The following PDGFRA variants were observed in gnomAD, a reference collection of about 807,000 sequenced individuals.
The protein encoded by PDGFRA is platelet derived growth factor receptor alpha, also known as platelet-derived growth factor receptor alpha.
Under a neutral mutation model 121.5 loss-of-function variants are expected in PDGFRA, and 25 were observed. That is an observed-to-expected ratio of 0.21 (90% CI 0.15 to 0.29). PDGFRA has a LOEUF of 0.29. PDGFRA is among the 10% of genes least tolerant of loss of function. PDGFRA has a pLI of 1.00. For synonymous variants in PDGFRA, 463 were observed against 494.8 expected (o/e 0.94, Z 0.85); for missense variants, 1,008 against 1,345.1 (o/e 0.75, Z 3.92).
At chr4:54,270,787 G>A (rs2110280632) in intron 8 of PDGFRA, 39 bp downstream of exon 8, 1 of 1,128,000 alleles carries the variant, frequency 8.9e-7, no homozygotes, top group East Asian at 2.3e-5. Flanking sequence ...TAGCTCTGTA[G>A]ATGAGTGTCT....
chr4:54,289,191 C>A, intron 21 of PDGFRA, 77 bp downstream of exon 21: 1 of 863,878 alleles, frequency 1.2e-6, no homozygotes, highest in Non-Finnish European at 2.0e-6. Flanking sequence ...TTCCGCAGTT[C>A]TAGAGGAGCA....
At chr4:54,237,649 C>G (rs1320327227) in intron 1 of PDGFRA, among the ~76,000 whole-genome samples, 1 of 152,190 alleles carries the variant, frequency 6.6e-6, no homozygotes. Flanking sequence ...TGCCTGCCAC[C>G]GCAGCAGTGT....
chr4:54,263,672 G>C lies in PDGFRA; in HGVS notation c.373G>C (p.Asp125His), dbSNP rs762935664. Residue 125 changes from aspartate (D) to histidine (H), a missense_variant, in exon 4 of 23, where the codon GAT (aspartate) becomes CAT (histidine). Transcript: ENST00000257290. ...CATTCTTTTTTAAACCACAGACCCAGATGTAGCCTTTGTACCTCTAGGAAT... is the reference window on the plus strand; with the variant it reads ...CATTCTTTTTTAAACCACAGACCCACATGTAGCCTTTGTACCTCTAGGAAT... ...RHIYIYVPDP[D>H]VAFVPLGMTD... 1 of 1,613,838 alleles carries C rather than the reference G, an allele frequency of 6.2e-7. No homozygotes were observed. Among genetic ancestry groups the C allele is most frequent in the Non-Finnish European group, 8.5e-7 (1 of 1,179,772 alleles).
intron 1 of PDGFRA, among the ~76,000 whole-genome samples, chr4:54,241,766 C>A (rs952732619): frequency 1.3e-5 from 2 of 152,038 alleles, no homozygotes; most frequent in Non-Finnish European, 2.9e-5. Flanking sequence ...TCAGGCTGGT[C>A]TCAAACTCCT....
intron 5 of PDGFRA, among the ~76,000 whole-genome samples, chr4:54,266,397 TTTTTTTC>T (rs1255227447): frequency 1.3e-4 from 20 of 148,914 alleles, no homozygotes; most frequent in African/African-American, 4.4e-4. Context: ...TTCTTTCTTT[TTTTTTTC>T]TTTTTTCTTT....
chr4:54,244,167 C>T (rs1179275849), intron 1 of PDGFRA, among the ~76,000 whole-genome samples: 1 of 152,226 alleles, frequency 6.6e-6, no homozygotes, highest in Non-Finnish European at 1.5e-5. Flanking sequence ...ACAGCAGTAA[C>T]CTCTGCAGAC....
intron 5 of PDGFRA, chr4:54,265,257 C>G (rs1035416769): frequency 1.7e-6 from 1 of 584,252 alleles, no homozygotes; most frequent in Non-Finnish European, 3.1e-6. Context: ...CTGGACCAGG[C>G]CCTTCAGAAT....
chr4:54,258,656 A>G (rs1722507778), intron 1 of PDGFRA, 101 bp from the exon 2 acceptor site: 1 of 801,720 alleles, frequency 1.2e-6, no homozygotes, highest in African/African-American at 1.7e-5. Flanking sequence ...GACTAAAATG[A>G]TGCTGTTAAT....
chr4:54,235,681 A>G (rs1350744293), intron 1 of PDGFRA, among the ~76,000 whole-genome samples: 3 of 152,230 alleles, frequency 2.0e-5, no homozygotes, highest in African/African-American at 7.2e-5. Context: ...TCCAGGAGGT[A>G]GGAGGTGCAG....
At chr4:54,285,722 G>T in intron 17 of PDGFRA, 119 bp from the exon 18 acceptor site, 1 of 1,110,678 alleles carries the variant, frequency 9.0e-7, no homozygotes, top group Non-Finnish European at 1.4e-6. Flanking sequence ...GAGAAGGCCA[G>T]CCCTTTATAT....
chr4:54,282,068 C>T (rs1724108815), intron 16 of PDGFRA: 10 of 652,466 alleles, frequency 1.5e-5, no homozygotes, highest in Non-Finnish European at 1.5e-5. Flanking sequence ...TTAAAGGTAG[C>T]TGAGATGATT....
At position 54,290,435 on chromosome 4, in the gene PDGFRA, G is replaced by A. The variant is rs373642812; in HGVS notation, c.3003G>A (p.Lys1001=). 62 of 1,614,134 alleles carry A rather than the reference G, an allele frequency of 3.8e-5. No individual in the cohort carries two copies. Among genetic ancestry groups the A allele is most frequent in the East Asian group, 1.1e-4 (5 of 44,880 alleles). ...VTYKNEEDKL[K]DWEGGLDEQR... is the part of the protein sequence containing the mutation. ...ACAAAAACGAGGAAGACAAGCTGAA[G>A]GACTGGGAGGGTGGTCTGGATGAGC... is the stretch of plus-strand genomic sequence containing the variant. The change falls in exon 22 of 23, where the codon AAG becomes AAA. Residue 1001 remains lysine, a synonymous_variant. Coordinates refer to ENST00000257290, the MANE Select transcript of PDGFRA (RefSeq NM_006206.6).
chr4:54,264,111 C>G, intron 4 of PDGFRA, 184 bp downstream of exon 4: 1 of 614,248 alleles, frequency 1.6e-6, no homozygotes, highest in Admixed American at 3.0e-5. Context: ...TTACTAAAGG[C>G]CAAAGCTTGA....
Position 54,295,253 on chromosome 4 carries a change from T to TGGAAGACAGCTTCCTGTAACTGGC in PDGFRA, c.3255_*8dup, listed in dbSNP as rs749741715. On this transcript the variant is annotated stop_gained and inframe_insertion, in exon 23 of 23. Transcript: ENST00000257290. LOFTEE classifies it high-confidence loss of function. ...ATCGGCATAGACTCTTCAGACCTGGTGGAAGACAGCTTCCTGTAACTGGCG... is the reference window on the plus strand; with the variant it reads ...ATCGGCATAGACTCTTCAGACCTGGTGGAAGACAGCTTCCTGTAACTGGCGGAAGACAGCTTCCTGTAACTGGCG... 2.1e-5 allele frequency: 34 copies of TGGAAGACAGCTTCCTGTAACTGGC among 1,613,952 alleles called. No homozygotes were observed. Among genetic ancestry groups the TGGAAGACAGCTTCCTGTAACTGGC allele is most frequent in the Non-Finnish European group, 2.5e-5 (30 of 1,179,950 alleles).
chr4:54,272,551 G>C, intron 9 of PDGFRA, 31 bp downstream of exon 9: 1 of 1,608,048 alleles, frequency 6.2e-7, no homozygotes, highest in Non-Finnish European at 8.5e-7. Context: ...TTCTTCTTTC[G>C]TGGTCAGAAT....
intron 15 of PDGFRA, among the ~76,000 whole-genome samples, chr4:54,279,898 T>C (rs540850417): frequency 1.5e-5 from 2 of 137,586 alleles, no homozygotes; most frequent in Non-Finnish European, 3.1e-5. Context: ...TTTTTATAGC[T>C]GAGTTACATA....
At chr4:54,247,626 G>C (rs911089718) in intron 1 of PDGFRA, among the ~76,000 whole-genome samples, 7 of 152,096 alleles carry the variant, frequency 4.6e-5, no homozygotes, top group African/African-American at 1.7e-4. Context: ...TACTGAATGG[G>C]CAAAAACTGG....
chr4:54,241,998 A>T (rs1185585069), intron 1 of PDGFRA, among the ~76,000 whole-genome samples: 1 of 152,140 alleles, frequency 6.6e-6, no homozygotes, highest in East Asian at 1.9e-4. Flanking sequence ...GGCCTCTCAG[A>T]TTTATATCTT....
chr4:54,290,511 C>T lies in PDGFRA; in HGVS notation c.3079C>T (p.Pro1027Ser), dbSNP rs1383509559. The change falls in exon 22 of 23, where the codon CCT becomes TCT. Residue 1027 changes from proline to serine, a missense_variant. Physicochemically the swap from Pro to Ser is moderately conservative, Grantham distance 74. Transcript: ENST00000257290. ...CATCATTCCTCTGCCTGACATTGAC[C>T]CTGTCCCTGAGGAGGAGGACCTGGG... ...GYIIPLPDID[P>S]VPEEEDLGKR... The T allele has an allele frequency of 5.6e-6, 9 of 1,613,960 alleles. No individual in the cohort carries two copies. The highest frequency in any genetic ancestry group is 2.7e-5 in the African/African-American group (2 of 74,904).
Sources: gnomAD v4.1 joint callset for allele counts (sites outside exome capture counted in the v4.1 genomes callset) on GRCh38, gnomAD v4.1.1 for gene constraint, MANE v1.5 for transcripts, NCBI Gene and HGNC (gene_info 2026-07-23, HGNC 2026-07-21) for gene names.